Variants in NRXN3 observed in about 807,000 individuals in gnomAD.
NRXN3 encodes the protein neurexin III.
In NRXN3, 32 loss-of-function variants were observed where a neutral mutation model predicts 137.6. The observed-to-expected ratio is 0.23, with a 90% CI of 0.18 to 0.31. The LOEUF (loss-of-function observed/expected upper bound fraction) is 0.31. Ranked by LOEUF, NRXN3 falls within the 10% of genes least tolerant of loss-of-function variation. The probability of loss-of-function intolerance (pLI) is 1.00; values close to 1 mark genes in which losing one functional copy is unlikely to be tolerated. For missense variants in NRXN3, 1,574 were observed against 2,062.5 expected, an observed-to-expected ratio of 0.76 and a Z score of 4.59; for synonymous variants, 798 against 784.5, an observed-to-expected ratio of 1.02 and a Z score of -0.29.
At chr14:78,561,234 TTTTCATTGGCCA>T in intron 4 of NRXN3, among the ~76,000 whole-genome samples, 2 of 152,176 alleles carry the variant, frequency 1.3e-5, no homozygotes, top group Non-Finnish European at 2.9e-5. Context: ...GTTCTTACCA[TTTTCATTGGCCA>T]AAGCAGGTCA....
intron 10 of NRXN3, among the ~76,000 whole-genome samples, chr14:78,849,763 G>A (rs923488064): frequency 6.6e-6 from 1 of 152,036 alleles, no homozygotes; most frequent in African/African-American, 2.4e-5. Flanking sequence ...GTTACCCAGA[G>A]CCAACATGTT....
intron 4 of NRXN3, among the ~76,000 whole-genome samples, chr14:78,407,908 G>C (rs932543573): frequency 2.6e-5 from 4 of 152,158 alleles, no homozygotes; most frequent in African/African-American, 4.8e-5. Context: ...TGGGATATGA[G>C]AGGTCCTCCA....
chr14:78,660,421 T>G (rs547067861), intron 6 of NRXN3, among the ~76,000 whole-genome samples: 46 of 152,152 alleles, frequency 3.0e-4, no homozygotes, highest in African/African-American at 1.1e-3. Context: ...AATTAGAGAC[T>G]CCTAATTAGA....
chr14:78,939,574 G>A (rs7156653), intron 10 of NRXN3, among the ~76,000 whole-genome samples: 18,415 of 152,212 alleles, frequency 0.12, 2,265 homozygotes, highest in East Asian at 0.43. Flanking sequence ...AGACACAAGG[G>A]CAAGTATATC....
intron 15 of NRXN3, among the ~76,000 whole-genome samples, chr14:79,452,252 T>C (rs1353059656): frequency 1.3e-5 from 2 of 152,216 alleles, no homozygotes; most frequent in East Asian, 1.9e-4. Context: ...AATTTAAATA[T>C]GGCAGGTGCT....
chr14:79,253,309 G>A (rs114702378), intron 15 of NRXN3, among the ~76,000 whole-genome samples: 38 of 152,238 alleles, frequency 2.5e-4, no homozygotes, highest in African/African-American at 7.5e-4. Flanking sequence ...AACCCTGTGC[G>A]GCCATAGTTT....
intron 15 of NRXN3, among the ~76,000 whole-genome samples, chr14:79,283,870 G>GTA (rs146532354): frequency 2.3e-4 from 35 of 151,370 alleles, no homozygotes; most frequent in African/African-American, 5.1e-4. Flanking sequence ...AATTGCAAAA[G>GTA]TATATATATA....
At chr14:78,467,204 C>A (rs1401593932) in intron 4 of NRXN3, among the ~76,000 whole-genome samples, 1 of 152,190 alleles carries the variant, frequency 6.6e-6, no homozygotes, top group South Asian at 2.1e-4. Context: ...TGGTCACTCA[C>A]ATTTGGCTCA....
chr14:79,719,025 A>C (rs1394559221), intron 19 of NRXN3, among the ~76,000 whole-genome samples: 1 of 152,104 alleles, frequency 6.6e-6, no homozygotes, highest in Admixed American at 6.6e-5. Flanking sequence ...TTGGATTTTA[A>C]ATGTTACCTT....
chr14:79,739,648 CAAAAAA>C (rs72347811), intron 19 of NRXN3, among the ~76,000 whole-genome samples: 14 of 31,814 alleles, frequency 4.4e-4, no homozygotes, highest in Admixed American at 1.3e-3. Flanking sequence ...GACTCTGCCT[CAAAAAA>C]AAAAAAAAAA....
At position 79,421,798 on chromosome 14, in the gene NRXN3, G is replaced by A. The variant is rs113896262; in HGVS notation, c.3263-45423G>A. 7.1e-3 allele frequency among the ~76,000 whole-genome samples: 1,081 copies of A among 152,046 alleles called. 8 individuals are homozygous for A. The highest frequency in any genetic ancestry group is 0.011 in the Non-Finnish European group (778 of 67,952). The stretch of plus-strand genomic sequence containing the variant: ...CTTTAATTTCTCTCAATCTTTCAAA[G>A]CATCAAAAGAAAAAAAAGTTCTCTC... On this transcript the variant is annotated intron_variant, in intron 15 of 20. Transcript: ENST00000335750.
chr14:78,653,498 T>C (rs1030385200), intron 6 of NRXN3, among the ~76,000 whole-genome samples: 3 of 152,176 alleles, frequency 2.0e-5, no homozygotes, highest in Admixed American at 1.3e-4. Flanking sequence ...GGACAGGATT[T>C]AGGTCTTGCC....
chr14:78,879,861 C>G (rs1441550123), intron 10 of NRXN3, among the ~76,000 whole-genome samples: 2 of 152,124 alleles, frequency 1.3e-5, no homozygotes, highest in Non-Finnish European at 2.9e-5. Context: ...TGGAGGGACC[C>G]CCCCTGCCCC....
chr14:79,827,755 C>G (rs940909265), intron 20 of NRXN3, among the ~76,000 whole-genome samples: 1 of 146,804 alleles, frequency 6.8e-6, no homozygotes, highest in Non-Finnish European at 1.5e-5. Context: ...AGTGCAAAGT[C>G]GTGATCTCGG....
intron 10 of NRXN3, among the ~76,000 whole-genome samples, chr14:78,950,301 A>G (rs2152943630): frequency 6.6e-6 from 1 of 152,262 alleles, no homozygotes; most frequent in South Asian, 2.1e-4. Context: ...ACTGCTGTAA[A>G]TTTATGGCTT....
At chr14:78,943,620 AAATATATATATATATATATATAT>A (rs2099358516) in intron 10 of NRXN3, among the ~76,000 whole-genome samples, 6 of 32,102 alleles carry the variant, frequency 1.9e-4, no homozygotes, top group African/African-American at 4.1e-4. Context: ...TAAAAAAAAA[AAATATATATATATATATATATAT>A]ATATATATAT....
chr14:79,567,032 A>G (rs2097557251), intron 16 of NRXN3, among the ~76,000 whole-genome samples: 1 of 152,190 alleles, frequency 6.6e-6, no homozygotes, highest in South Asian at 2.1e-4. Flanking sequence ...TAAGGATCTC[A>G]TAATGATTTG....
At chr14:78,647,203 G>A (rs2152594099) in intron 5 of NRXN3, among the ~76,000 whole-genome samples, 1 of 152,298 alleles carries the variant, frequency 6.6e-6, no homozygotes, top group South Asian at 2.1e-4. Flanking sequence ...TAAATGGAGA[G>A]AGGATAAACC....
chr14:78,261,850 G>A (rs1030346978), intron 2 of NRXN3, among the ~76,000 whole-genome samples: 4 of 152,178 alleles, frequency 2.6e-5, no homozygotes, highest in South Asian at 2.1e-4. Context: ...AAAAGATTTT[G>A]GCTAAGGAGA....
Sources: gnomAD v4.1 joint callset for allele counts (sites outside exome capture counted in the v4.1 genomes callset) on GRCh38, gnomAD v4.1.1 for gene constraint, MANE v1.5 for transcripts, NCBI Gene and HGNC (gene_info 2026-07-23, HGNC 2026-07-21) for gene names.